Variants in GRHL2 observed in about 807,000 individuals in gnomAD.
The protein encoded by GRHL2 is grainyhead like transcription factor 2.
A neutral mutation model predicts 83.8 loss-of-function variants in GRHL2; 21 were observed. The observed-to-expected ratio is 0.25, with a 90% CI of 0.18 to 0.36. GRHL2 has a LOEUF of 0.36. GRHL2 is among the 10% of genes least tolerant of loss of function. The probability of loss-of-function intolerance (pLI) is 1.00; values close to 1 mark genes in which losing one functional copy is unlikely to be tolerated. For missense variants in GRHL2, 623 were observed against 781.8 expected (o/e 0.80, Z 2.42); for synonymous variants, 280 against 278.9 (o/e 1.00, Z -0.04).
chr8:101,558,870 T>C, intron 4 of GRHL2, 58 bp downstream of exon 4: 1 of 1,570,440 alleles, frequency 6.4e-7, no homozygotes, highest in Non-Finnish European at 8.7e-7. Flanking sequence ...TAGCTAATTT[T>C]TTTCTATTTC....
intron 11 of GRHL2, among the ~76,000 whole-genome samples, chr8:101,634,478 CTT>C (rs1373848096): frequency 3.3e-5 from 5 of 152,182 alleles, no homozygotes; most frequent in Non-Finnish European, 4.4e-5. Flanking sequence ...GATTGGCTAA[CTT>C]TGACCTGCAG....
rs953403497 is a variant in GRHL2, at chr8:101,649,345, A to C, written c.1613-69A>C. 30 of 1,245,356 alleles carry C rather than the reference A, an allele frequency of 2.4e-5. No individual in the cohort carries two copies. The Admixed American group carries it at 5.1e-4, about 21-fold the overall frequency. The allele number at this position is 1,245,356 out of a possible 1,614,324, so 77.1% of individuals were successfully genotyped here. The stretch of plus-strand genomic sequence containing the variant: ...CTCCAACACCTGTGTGACAGGAAAC[A>C]GTCCCCTGGAGCAGCTGTGGAATTG... On this transcript the variant is annotated intron_variant, in intron 13 of 15. Coordinates refer to ENST00000646743, the MANE Select transcript of GRHL2 (RefSeq NM_024915.4).
intron 3 of GRHL2, 44 bp from the exon 4 acceptor site, chr8:101,558,375 G>A (rs865796976): frequency 6.2e-7 from 1 of 1,611,436 alleles, no homozygotes; most frequent in South Asian, 1.1e-5. Context: ...GCCGAATGGT[G>A]ATTTTTCTAA....
intron 1 of GRHL2, among the ~76,000 whole-genome samples, chr8:101,533,404 GC>G (rs1810978778): frequency 6.6e-6 from 1 of 152,092 alleles, no homozygotes; most frequent in South Asian, 2.1e-4. Flanking sequence ...TGGCAATGGA[GC>G]TTTTATTCAT....
intron 1 of GRHL2, among the ~76,000 whole-genome samples, chr8:101,536,186 G>A (rs555851743): frequency 1.8e-3 from 270 of 152,234 alleles, no homozygotes; most frequent in African/African-American, 5.8e-3. Flanking sequence ...AAAGTAGGTT[G>A]GAACCAGATA....
At chr8:101,508,694 T>C (rs1010716985) in intron 1 of GRHL2, among the ~76,000 whole-genome samples, 4 of 152,032 alleles carry the variant, frequency 2.6e-5, no homozygotes, top group African/African-American at 9.7e-5. Context: ...TAGTCAAGGG[T>C]GAGTTCGGGA....
intron 9 of GRHL2, among the ~76,000 whole-genome samples, chr8:101,625,573 C>A (rs1813064884): frequency 6.6e-6 from 1 of 151,944 alleles, no homozygotes; most frequent in South Asian, 2.1e-4. Flanking sequence ...TTTTCCAAAG[C>A]AGTTGTTTCC....
At chr8:101,520,437 C>G (rs2130042878) in intron 1 of GRHL2, among the ~76,000 whole-genome samples, 1 of 152,264 alleles carries the variant, frequency 6.6e-6, no homozygotes, top group Admixed American at 6.5e-5. Flanking sequence ...GATGATTTTT[C>G]TCATTATGCA....
intron 15 of GRHL2, among the ~76,000 whole-genome samples, chr8:101,665,603 G>A (rs1814033960): frequency 2.0e-5 from 3 of 152,160 alleles, no homozygotes; most frequent in South Asian, 2.1e-4. Context: ...TCTTATTGCC[G>A]AGCAGAAATC....
chr8:101,624,766 A>G (rs1244408159), intron 9 of GRHL2, among the ~76,000 whole-genome samples: 1 of 152,190 alleles, frequency 6.6e-6, no homozygotes, highest in Non-Finnish European at 1.5e-5. Flanking sequence ...CTGTTAACTC[A>G]ATAGACACAG....
chr8:101,493,852 C>T (rs953371721), intron 1 of GRHL2, among the ~76,000 whole-genome samples: 2 of 151,816 alleles, frequency 1.3e-5, no homozygotes, highest in Admixed American at 1.3e-4. Context: ...CCGGTCCGGC[C>T]GCGTCCTGAC....
At chr8:101,674,297 C>G (rs533771221), downstream of GRHL2, among the ~76,000 whole-genome samples, 1 of 151,628 alleles carries the variant, frequency 6.6e-6, no homozygotes, top group African/African-American at 2.4e-5. Context: ...TCAACAATAT[C>G]GATAGACCGC....
At chr8:101,559,188 G>A (rs940125312) in intron 4 of GRHL2, among the ~76,000 whole-genome samples, 1 of 151,916 alleles carries the variant, frequency 6.6e-6, no homozygotes, top group East Asian at 1.9e-4. Context: ...GGTAGCTAAA[G>A]GTAGGGCTTG....
At chr8:101,617,299 C>T (rs1431537638) in intron 8 of GRHL2, among the ~76,000 whole-genome samples, 1 of 152,108 alleles carries the variant, frequency 6.6e-6, no homozygotes, top group Non-Finnish European at 1.5e-5. Flanking sequence ...TAAGCCCTGT[C>T]ATCTGGCCTG....
At chr8:101,680,815 C>T in the GRHL2 span, among the ~76,000 whole-genome samples, 2 of 125,896 alleles carry the variant, frequency 1.6e-5, no homozygotes, top group East Asian at 4.7e-4. Flanking sequence ...ACAACCTGCT[C>T]CTGAATGACT....
intron 7 of GRHL2, among the ~76,000 whole-genome samples, chr8:101,582,595 C>A (rs1297621754): frequency 6.6e-6 from 1 of 152,154 alleles, no homozygotes; most frequent in African/African-American, 2.4e-5. Flanking sequence ...GGTCCACAGA[C>A]CCAGAAGGCT....
intron 1 of GRHL2, among the ~76,000 whole-genome samples, chr8:101,513,602 C>T (rs2130017273): frequency 6.9e-6 from 1 of 144,924 alleles, no homozygotes; most frequent in African/African-American, 2.5e-5. Flanking sequence ...TCAAATGATT[C>T]TCCTGTCTCA....
chr8:101,508,005 C>T (rs964732316), intron 1 of GRHL2, among the ~76,000 whole-genome samples: 8 of 151,926 alleles, frequency 5.3e-5, no homozygotes, highest in Non-Finnish European at 1.0e-4. Context: ...AGGCTGGTCT[C>T]GAACTCCTGG....
intron 6 of GRHL2, among the ~76,000 whole-genome samples, chr8:101,576,696 T>G (rs1489252225): frequency 6.6e-6 from 1 of 152,148 alleles, no homozygotes; most frequent in Non-Finnish European, 1.5e-5. Flanking sequence ...TAAGTGACGG[T>G]GAATTAATGT....
Sources: gnomAD v4.1 joint callset for allele counts (sites outside exome capture counted in the v4.1 genomes callset) on GRCh38, gnomAD v4.1.1 for gene constraint, MANE v1.5 for transcripts, NCBI Gene and HGNC (gene_info 2026-07-23, HGNC 2026-07-21) for gene names.